HEATR5B: variants seen among roughly 807,000 people sequenced by gnomAD.
HEATR5B encodes the protein HEAT repeat-containing protein 5B.
A neutral mutation model predicts 224.1 loss-of-function variants in HEATR5B; 156 were observed. The ratio of observed to expected loss-of-function variants is 0.70; its 90% confidence interval spans 0.61 to 0.80. The LOEUF (loss-of-function observed/expected upper bound fraction) is 0.80, where lower values mean the gene tolerates loss of function less well. Ranked by LOEUF, HEATR5B falls within the 30% of genes least tolerant of loss-of-function variation. HEATR5B has a pLI of 0.00. For synonymous variants in HEATR5B, 1,027 were observed against 893.0 expected (o/e 1.15, Z -2.68); for missense variants, 2,323 against 2,535.5 (o/e 0.92, Z 1.80).
At chr2:36,999,974 T>G (rs1666982583) in intron 33 of HEATR5B, among the ~76,000 whole-genome samples, 1 of 151,624 alleles carries the variant, frequency 6.6e-6, no homozygotes, top group South Asian at 2.1e-4. Flanking sequence ...ATCACGCCAC[T>G]GCACTACAGT....
chr2:37,041,107 T>C, intron 19 of HEATR5B, 26 bp downstream of exon 19: 1 of 1,578,636 alleles, frequency 6.3e-7, no homozygotes, highest in Non-Finnish European at 8.6e-7. Flanking sequence ...TAAACTTTTG[T>C]AATAAAAAAA....
At chr2:37,065,456 G>A (rs754967751) in intron 9 of HEATR5B, among the ~76,000 whole-genome samples, 3 of 151,882 alleles carry the variant, frequency 2.0e-5, no homozygotes, top group East Asian at 1.9e-4. Flanking sequence ...TTACAGGCAC[G>A]TGTCACCACA....
intron 5 of HEATR5B, among the ~76,000 whole-genome samples, chr2:37,075,003 T>A (rs1672138285): frequency 6.6e-6 from 1 of 152,242 alleles, no homozygotes; most frequent in African/African-American, 2.4e-5. Context: ...GAAAACAGTT[T>A]TGTACTTTTC....
chr2:37,069,741 C>T (rs1351228392), intron 7 of HEATR5B, among the ~76,000 whole-genome samples: 1 of 151,812 alleles, frequency 6.6e-6, no homozygotes, highest in Non-Finnish European at 1.5e-5. Flanking sequence ...AAATATCTAC[C>T]GAATTTCCAT....
At chr2:37,017,687 CAAAAAAAAAAAAAA>C (rs1056240189) in intron 26 of HEATR5B, among the ~76,000 whole-genome samples, 2 of 61,696 alleles carry the variant, frequency 3.2e-5, no homozygotes, top group African/African-American at 1.5e-4. Context: ...AATTCCGTCT[CAAAAAAAAAAAAAA>C]AAAAAAAAAG....
intron 23 of HEATR5B, 136 bp downstream of exon 23, chr2:37,028,545 G>C: frequency 4.7e-6 from 3 of 634,726 alleles, no homozygotes; most frequent in Non-Finnish European, 7.5e-6. Context: ...TTTTGACAGA[G>C]ATTTGTAGAT....
intron 18 of HEATR5B, 21 bp downstream of exon 18, chr2:37,049,632 T>G: frequency 6.3e-7 from 1 of 1,599,638 alleles, no homozygotes; most frequent in Non-Finnish European, 8.5e-7. Flanking sequence ...ATGAAACTTG[T>G]TAGTAAAGAA....
chr2:37,048,791 G>A (rs997385322), intron 18 of HEATR5B, among the ~76,000 whole-genome samples: 3 of 151,982 alleles, frequency 2.0e-5, no homozygotes, highest in African/African-American at 7.2e-5. Flanking sequence ...AGTGCATTAG[G>A]GCATTACCAA....
intron 22 of HEATR5B, among the ~76,000 whole-genome samples, chr2:37,031,949 C>G (rs9789689): frequency 1.0e-4 from 11 of 110,124 alleles, no homozygotes; most frequent in Non-Finnish European, 1.8e-4. Context: ...CAGAAGACCA[C>G]CTAGGAATTT....
chr2:36,991,312 A>AG (rs1572743125), intron 33 of HEATR5B, among the ~76,000 whole-genome samples: 2 of 151,450 alleles, frequency 1.3e-5, no homozygotes, highest in Admixed American at 1.3e-4. Flanking sequence ...GGACCACCTG[A>AG]GGTTGGGAGT....
chr2:37,027,069 G>A (rs1238649207), intron 24 of HEATR5B, among the ~76,000 whole-genome samples: 1 of 152,176 alleles, frequency 6.6e-6, no homozygotes, highest in East Asian at 1.9e-4. Flanking sequence ...AAAGTGCTGG[G>A]ATGTAATTAC....
chr2:36,998,957 G>A (rs143966562), intron 33 of HEATR5B, among the ~76,000 whole-genome samples: 27 of 152,210 alleles, frequency 1.8e-4, no homozygotes, highest in East Asian at 3.9e-4. Context: ...GCTCACACCC[G>A]TAATCCCAGC....
intron 35 of HEATR5B, among the ~76,000 whole-genome samples, chr2:36,988,008 G>A (rs531633615): frequency 1.3e-5 from 2 of 151,954 alleles, no homozygotes; most frequent in East Asian, 1.9e-4. Context: ...GGAGGCAGAG[G>A]TTGCAGTGAG....
intron 8 of HEATR5B, among the ~76,000 whole-genome samples, chr2:37,067,122 T>C (rs759432534): frequency 3.3e-5 from 5 of 152,070 alleles, no homozygotes; most frequent in South Asian, 4.1e-4. Context: ...GATCCACCCA[T>C]CTTGGCCTCC....
At position 37,037,559 on chromosome 2, in the gene HEATR5B, AAAAC is replaced by A. The variant is rs1209474902; in HGVS notation, c.3216+292_3216+295del. Among the ~76,000 whole-genome samples the A allele has an allele frequency of 4.6e-5, 7 of 152,336 alleles. No homozygotes were observed. The East Asian group carries it at 1.3e-3, about 29-fold the overall frequency. On this transcript the variant is annotated intron_variant, in intron 21 of 35. Coordinates refer to ENST00000233099, the MANE Select transcript of HEATR5B (RefSeq NM_019024.3). ...TCATAAAATGACAACTGAAGTTCAA[AAAAC>A]AAACAAAAGATCTAGTATTTGATAA...
rs1233762125 is a variant in HEATR5B at position 37,009,815 on chromosome 2, CTG to C, written c.4285-969_4285-968del. ...TTTTTTTTTGCCACAGGGTATAACT[CTG>C]TTTCTGCCTCCACCTTCCTAGACTT... is the stretch of plus-strand genomic sequence containing the variant. On this transcript the variant is annotated intron_variant, in intron 27 of 35. Coordinates refer to ENST00000233099, the MANE Select transcript of HEATR5B (RefSeq NM_019024.3). Among the ~76,000 whole-genome samples, 4 of 146,372 alleles carry C rather than the reference CTG, an allele frequency of 2.7e-5. No individual in the cohort carries two copies. In the East Asian group the frequency reaches 8.1e-4, roughly 30 times the overall value.
Position 37,040,456 on chromosome 2 carries a change from AT to A in HEATR5B, c.2918del (p.Tyr973LeufsTer8), listed in dbSNP as rs757845394. On this transcript the variant is annotated frameshift_variant, in exon 20 of 36. Coordinates refer to ENST00000233099, the MANE Select transcript of HEATR5B (RefSeq NM_019024.3). LOFTEE classifies it high-confidence loss of function. ...GAACTAGAGATAATGTTGGTTCCAC[AT>A]AGCCACGATACATCGGACCACTAGA... ...VDSSGPMYRG[Y>X]VEPTLSLVLT... 1.9e-6 allele frequency: 3 copies of A among 1,614,072 alleles called. No individual in the cohort carries two copies. The highest frequency in any genetic ancestry group is 2.5e-6 in the Non-Finnish European group (3 of 1,179,964).
rs1671943867 is a variant in HEATR5B at position 37,072,136 on chromosome 2, G to A, written c.743C>T (p.Thr248Ile). The A allele has an allele frequency of 6.2e-7, 1 of 1,612,626 alleles. No individual in the cohort carries two copies. Among genetic ancestry groups the A allele is most frequent in the Non-Finnish European group, 8.5e-7 (1 of 1,179,158 alleles). ...VSKLLGTVMATALMPKQATVM... is the reference protein window; with the variant it reads ...VSKLLGTVMAIALMPKQATVM... ...TGTTGCCTGTTTTGGCATTAATGCT[G>A]TGGCCATGACTGTTCCTAAAAGTTT... The change falls in exon 6 of 36, where the codon ACA becomes ATA. Residue 248 changes from threonine to isoleucine, a missense_variant. Around this residue, in one of 12 missense-constraint regions of HEATR5B, gnomAD observed 292 missense variants for 332.6 expected, o/e 0.88. Coordinates refer to ENST00000233099, the MANE Select transcript of HEATR5B (RefSeq NM_019024.3).
intron 1 of HEATR5B, 96 bp from the exon 2 acceptor site, chr2:37,083,532 C>A: frequency 1.2e-6 from 1 of 868,416 alleles, no homozygotes; most frequent in African/African-American, 1.7e-5. Context: ...TAGGACTACT[C>A]ATTTCATTTG....
Sources: gnomAD v4.1 joint callset for allele counts (sites outside exome capture counted in the v4.1 genomes callset) on GRCh38, gnomAD v4.1.1 for gene constraint, gnomAD v4.1.1 regional missense constraint, MANE v1.5 for transcripts, NCBI Gene and HGNC (gene_info 2026-07-23, HGNC 2026-07-21) for gene names.